The following SV2C variants were observed in gnomAD, a reference collection of about 807,000 sequenced individuals.
The protein encoded by SV2C is synaptic vesicle glycoprotein 2C.
SV2C carries 49 observed loss-of-function variants against 79.7 expected under a neutral mutation model. The ratio of observed to expected loss-of-function variants is 0.61; its 90% confidence interval spans 0.49 to 0.78. SV2C has a LOEUF of 0.78. Among genes scored for constraint, SV2C ranks in the 30% least tolerant of loss-of-function variants. The pLI is 0.00. For missense variants in SV2C, 833 were observed against 912.9 expected (o/e 0.91, Z 1.13); for synonymous variants, 334 against 333.2 (o/e 1.00, Z -0.03).
chr5:76,226,927 A>G (rs1012432720), intron 4 of SV2C, among the ~76,000 whole-genome samples: 1 of 152,188 alleles, frequency 6.6e-6, no homozygotes, highest in Non-Finnish European at 1.5e-5. Flanking sequence ...CTTAAACCAA[A>G]GGAAGTTAAG....
chr5:75,896,050 T>C, the SV2C span, among the ~76,000 whole-genome samples: 1 of 151,922 alleles, frequency 6.6e-6, no homozygotes, highest in Non-Finnish European at 1.5e-5. Flanking sequence ...AATTGGATAG[T>C]TCTTTTTTTA....
chr5:76,253,933 C>T (rs1327559091), intron 4 of SV2C, among the ~76,000 whole-genome samples: 1 of 152,064 alleles, frequency 6.6e-6, no homozygotes, highest in African/African-American at 2.4e-5. Flanking sequence ...ACTATTCTCA[C>T]TGAGTTTCAA....
intron 2 of SV2C, among the ~76,000 whole-genome samples, chr5:76,156,922 G>A (rs568507551): frequency 1.3e-5 from 2 of 152,012 alleles, no homozygotes; most frequent in Admixed American, 1.3e-4. Context: ...ACACCATTGA[G>A]TGCACCAACC....
the SV2C span, among the ~76,000 whole-genome samples, chr5:76,039,750 C>G: frequency 2.9e-5 from 3 of 104,648 alleles, no homozygotes; most frequent in African/African-American, 1.1e-4. Flanking sequence ...GAGTGGAACT[C>G]CATCTCAAAA....
chr5:76,280,666 G>T (rs537852953), intron 4 of SV2C, among the ~76,000 whole-genome samples: 1 of 152,174 alleles, frequency 6.6e-6, no homozygotes, highest in East Asian at 1.9e-4. Context: ...GGCCGGCTCC[G>T]AGGTGGCCTG....
chr5:76,119,063 G>A (rs1748387030), intron 1 of SV2C, among the ~76,000 whole-genome samples: 1 of 152,112 alleles, frequency 6.6e-6, no homozygotes, highest in African/African-American at 2.4e-5. Context: ...TCCCATATGG[G>A]TATGCATCAC....
At chr5:76,319,015 G>A (rs1193337974) in intron 12 of SV2C, among the ~76,000 whole-genome samples, 1 of 152,212 alleles carries the variant, frequency 6.6e-6, no homozygotes, top group African/African-American at 2.4e-5. Flanking sequence ...AGAACAGAGA[G>A]TAAATGAACT....
the SV2C span, among the ~76,000 whole-genome samples, chr5:76,040,211 A>T: frequency 2.0e-5 from 3 of 152,224 alleles, no homozygotes; most frequent in Admixed American, 2.0e-4. Context: ...AACACAGAAG[A>T]TAATTAAGTC....
At chr5:76,352,506 GC>G (rs1277321391) in intron 12 of SV2C, among the ~76,000 whole-genome samples, 1 of 152,178 alleles carries the variant, frequency 6.6e-6, no homozygotes, top group Non-Finnish European at 1.5e-5. Flanking sequence ...AGCTAGTTCA[GC>G]CCCCTCTTTC....
At chr5:76,250,715 A>G (rs1746086759) in intron 4 of SV2C, among the ~76,000 whole-genome samples, 2 of 152,216 alleles carry the variant, frequency 1.3e-5, no homozygotes. Flanking sequence ...AAGGAGGAAC[A>G]GGCTACACTG....
chr5:76,037,822 G>A, the SV2C span, among the ~76,000 whole-genome samples: 1 of 152,378 alleles, frequency 6.6e-6, no homozygotes, highest in Admixed American at 6.5e-5. Flanking sequence ...CCTGGGCAAT[G>A]TCGGGCGCCC....
At chr5:75,897,976 A>G in the SV2C span, among the ~76,000 whole-genome samples, 5 of 151,636 alleles carry the variant, frequency 3.3e-5, no homozygotes, top group East Asian at 3.9e-4. Context: ...GGGCTGAGAC[A>G]ATGGGGTTTT....
rs1747084528 is a variant in SV2C, at chr5:76,278,337, A to AT, written c.914-6824dup. Among the ~76,000 whole-genome samples, 3 of 152,152 alleles carry AT rather than the reference A, an allele frequency of 2.0e-5. No individual in the cohort carries two copies. In the South Asian group the frequency reaches 6.2e-4, roughly 32 times the overall value. On this transcript the variant is annotated intron_variant, in intron 4 of 12. Coordinates refer to ENST00000502798, the MANE Select transcript of SV2C (RefSeq NM_014979.4). ...ATGAATATGACAACTTCAGATAGTG[A>AT]TAAGAGCTGTCAAGACAATAAAACA...
chr5:75,855,815 C>T, the SV2C span, among the ~76,000 whole-genome samples: 1 of 152,138 alleles, frequency 6.6e-6, no homozygotes, highest in East Asian at 1.9e-4. Context: ...CAGTTATACT[C>T]TTCTAGTTAT....
intron 4 of SV2C, among the ~76,000 whole-genome samples, chr5:76,257,484 G>A (rs1324333392): frequency 6.6e-6 from 1 of 151,586 alleles, no homozygotes; most frequent in South Asian, 2.1e-4. Context: ...GTATGGGTGT[G>A]TGGGAGTGTC....
At chr5:76,177,909 A>G (rs1442331404) in intron 2 of SV2C, among the ~76,000 whole-genome samples, 2 of 152,190 alleles carry the variant, frequency 1.3e-5, no homozygotes, top group Non-Finnish European at 2.9e-5. Flanking sequence ...TTAGATATTT[A>G]TGCTTTGTTT....
At chr5:75,994,716 G>A in the SV2C span, among the ~76,000 whole-genome samples, 1 of 152,150 alleles carries the variant, frequency 6.6e-6, no homozygotes, top group East Asian at 1.9e-4. Context: ...CAGAGAAACA[G>A]AACCAGTAGG....
chr5:75,883,870 T>G, the SV2C span, among the ~76,000 whole-genome samples: 1 of 151,806 alleles, frequency 6.6e-6, no homozygotes, highest in East Asian at 1.9e-4. Flanking sequence ...AAAAAACATT[T>G]CTTTCAGGTG....
At chr5:75,897,829 A>G in the SV2C span, among the ~76,000 whole-genome samples, 6 of 151,952 alleles carry the variant, frequency 3.9e-5, no homozygotes, top group Non-Finnish European at 8.8e-5. Flanking sequence ...TCTTTGAAGC[A>G]ATTGTAAATG....
Sources: gnomAD v4.1 joint callset for allele counts (sites outside exome capture counted in the v4.1 genomes callset) on GRCh38, gnomAD v4.1.1 for gene constraint, MANE v1.5 for transcripts, NCBI Gene and HGNC (gene_info 2026-07-23, HGNC 2026-07-21) for gene names.